The following LOXL2 variants were observed in gnomAD, a reference collection of about 807,000 sequenced individuals.
LOXL2 encodes lysyl oxidase like 2.
Under a neutral mutation model 93.0 loss-of-function variants are expected in LOXL2, and 70 were observed. The observed-to-expected ratio is 0.75, with a 90% CI of 0.62 to 0.92. The LOEUF (loss-of-function observed/expected upper bound fraction) is 0.92. LOXL2 is among the 40% of genes least tolerant of loss of function. The probability of loss-of-function intolerance (pLI) is 0.00; values close to 1 mark genes in which losing one functional copy is unlikely to be tolerated. For missense variants in LOXL2, 973 were observed against 1,054.9 expected, an observed-to-expected ratio of 0.92 and a Z score of 1.08; for synonymous variants, 438 against 413.2, an observed-to-expected ratio of 1.06 and a Z score of -0.73.
chr8:23,307,684 G>A lies in LOXL2; in HGVS notation c.1880+1984C>T, dbSNP rs115296846. ...CCCATAGGCAGCGTCAGCCCCCGCC[G>A]CCCAGGGCTTCCACCCACACGTTCC... On this transcript the variant is annotated intron_variant, in intron 10 of 13. Coordinates refer to ENST00000389131, the MANE Select transcript of LOXL2 (RefSeq NM_002318.3). Among the ~76,000 whole-genome samples, 623 of 152,178 alleles carry A rather than the reference G, an allele frequency of 4.1e-3. 7 individuals carry two copies. Among genetic ancestry groups the A allele is most frequent in the African/African-American group, 0.014 (581 of 41,510 alleles).
rs374842932 is a variant in LOXL2, at chr8:23,303,271, C to T, written c.1996+11G>A. ...TCTGAGGCCTCCCATCCCCCCACTC[C>T]GCTCAGATACCTCCTTCACATTCTG... is the stretch of plus-strand genomic sequence containing the variant. On this transcript the variant is annotated intron_variant, in intron 11 of 13. Coordinates refer to ENST00000389131, the MANE Select transcript of LOXL2 (RefSeq NM_002318.3). The T allele has an allele frequency of 5.0e-5, 78 of 1,572,768 alleles. No homozygotes were observed. The African/African-American group carries it at 7.3e-4, about 15-fold the overall frequency.
chr8:23,309,025 C>T (rs981060195), intron 10 of LOXL2, among the ~76,000 whole-genome samples: 1 of 150,350 alleles, frequency 6.7e-6, no homozygotes, highest in Non-Finnish European at 1.5e-5. Flanking sequence ...GGCTCTGTCG[C>T]CTATGCTGGA....
intron 1 of LOXL2, among the ~76,000 whole-genome samples, chr8:23,377,071 G>T (rs1804606611): frequency 6.6e-6 from 1 of 152,062 alleles, no homozygotes; most frequent in South Asian, 2.1e-4. Flanking sequence ...TCTCTTGTGG[G>T]CATTTAGTGC....
chr8:23,324,562 C>T (rs931850082), intron 6 of LOXL2, among the ~76,000 whole-genome samples: 4 of 152,262 alleles, frequency 2.6e-5, no homozygotes, highest in Non-Finnish European at 5.9e-5. Context: ...CATTCTGCAT[C>T]CTTGACCTGC....
In LOXL2 at chr8:23,368,469, G is replaced by A. The variant is rs78805378; in HGVS notation, c.-83-35C>T. ...AGGAGAGATGCGTTAGGATGGGAAC[G>A]TGGGGCTACGGAGACCTACATAGAG... On this transcript the variant is annotated intron_variant, in intron 1 of 13. Transcript: ENST00000389131. The A allele has an allele frequency of 3.6e-4, 290 of 809,876 alleles. No individual in the cohort carries two copies. The African/African-American group carries it at 4.1e-3, about 11-fold the overall frequency. The allele number at this position is 809,876 out of a possible 1,614,324, so 50.2% of individuals were successfully genotyped here.
At chr8:23,371,751 CAAAAAAAAAAAAAAAAAAA>C (rs55780832) in intron 1 of LOXL2, among the ~76,000 whole-genome samples, 5 of 43,888 alleles carry the variant, frequency 1.1e-4, no homozygotes, top group South Asian at 1.1e-3. Context: ...GAGTCTGTCT[CAAAAAAAAAAAAAAAAAAA>C]AAAAAAAAAA....
Position 23,303,372 on chromosome 8 carries a change from T to C in LOXL2, c.1906A>G (p.Thr636Ala). The change falls in exon 11 of 14, where the codon ACC becomes GCC. Residue 636 changes from threonine to alanine, a missense_variant. By Grantham distance (58) the Thr-to-Ala change is moderately conservative. Transcript: ENST00000389131. Reference protein sequence around the residue: ...HRHYHSMEVFTHYDLLNLNGT... With the variant: ...HRHYHSMEVFAHYDLLNLNGT... ...TTGAGGTTCAGCAGGTCATAGTGGG[T>C]GAACACCTCCATGCTGTGGTAGTGC... 1 of 1,612,308 alleles carries C rather than the reference T, an allele frequency of 6.2e-7. No individual in the cohort carries two copies. Among genetic ancestry groups the C allele is most frequent in the Non-Finnish European group, 8.5e-7 (1 of 1,178,652 alleles).
intron 9 of LOXL2, among the ~76,000 whole-genome samples, chr8:23,313,285 G>T (rs1803345248): frequency 6.6e-6 from 1 of 151,958 alleles, no homozygotes. Context: ...TCACAGAATT[G>T]GAAAAAACTA....
intron 1 of LOXL2, among the ~76,000 whole-genome samples, chr8:23,399,023 A>G (rs531474069): frequency 3.3e-5 from 5 of 152,312 alleles, no homozygotes; most frequent in African/African-American, 1.2e-4. Flanking sequence ...TCTTGCTTCA[A>G]CTTACACAGG....
chr8:23,398,391 A>G (rs1369114353), intron 1 of LOXL2, among the ~76,000 whole-genome samples: 2 of 152,162 alleles, frequency 1.3e-5, no homozygotes, highest in Admixed American at 6.5e-5. Context: ...GAATGAAAAA[A>G]CTAAAAAGAA....
chr8:23,344,632 T>TTG (rs1355748139), intron 3 of LOXL2, among the ~76,000 whole-genome samples: 2 of 151,484 alleles, frequency 1.3e-5, no homozygotes, highest in African/African-American at 2.4e-5. Context: ...CATGACAGGG[T>TTG]TGTGTGTGTG....
rs543323383 is a variant in LOXL2 at position 23,303,723 on chromosome 8, C to T, written c.1881-326G>A. ...AGCACTGCATATGATAAGCACAGAA[C>T]TCCAGCTATTGTTTTTAATAAGCGT... On this transcript the variant is annotated intron_variant, in intron 10 of 13. Coordinates refer to ENST00000389131, the MANE Select transcript of LOXL2 (RefSeq NM_002318.3). 2.8e-4 allele frequency among the ~76,000 whole-genome samples: 42 copies of T among 152,250 alleles called. 1 individual carries two copies. Among genetic ancestry groups the T allele is most frequent in the Non-Finnish European group, 6.0e-4 (41 of 68,022 alleles).
chr8:23,403,855 G>T (rs981852410), intron 1 of LOXL2, 99 bp downstream of exon 1: 5 of 152,932 alleles, frequency 3.3e-5, no homozygotes, highest in Admixed American at 2.0e-4. Context: ...ACTGTCGAGA[G>T]GCAGCCCCGC....
intron 3 of LOXL2, among the ~76,000 whole-genome samples, chr8:23,343,562 T>C (rs1320883602): frequency 6.6e-6 from 1 of 152,168 alleles, no homozygotes; most frequent in African/African-American, 2.4e-5. Flanking sequence ...GAACCATTCT[T>C]TGGGTGCCCA....
At chr8:23,348,966 C>T (rs1421802711) in intron 3 of LOXL2, among the ~76,000 whole-genome samples, 3 of 152,030 alleles carry the variant, frequency 2.0e-5, no homozygotes, top group African/African-American at 7.3e-5. Flanking sequence ...ACACCTTCCT[C>T]AGCACCTGAG....
At chr8:23,379,281 G>C (rs1203112982) in intron 1 of LOXL2, among the ~76,000 whole-genome samples, 14 of 152,216 alleles carry the variant, frequency 9.2e-5, no homozygotes, top group Admixed American at 9.2e-4. Context: ...GTTCCTGCCT[G>C]ATTGTTCCTC....
intron 10 of LOXL2, 27 bp from the exon 11 acceptor site, chr8:23,303,424 G>A: frequency 7.2e-7 from 1 of 1,393,044 alleles, no homozygotes; most frequent in Non-Finnish European, 1.0e-6. Flanking sequence ...ATGGCCTGGA[G>A]GTCAGTTTCT....
At chr8:23,363,190 C>G (rs1232511139) in intron 2 of LOXL2, 1 of 152,208 alleles carries the variant, frequency 6.6e-6, no homozygotes, top group African/African-American at 2.4e-5. Context: ...TAAAAACATT[C>G]CCATTGGAGA....
chr8:23,302,849 C>CG (rs112007458), intron 11 of LOXL2, among the ~76,000 whole-genome samples: 1,738 of 151,858 alleles, frequency 0.011, 28 homozygotes, highest in African/African-American at 0.038. Flanking sequence ...CCTGCCGGGA[C>CG]GGGGGGGCGC....
Sources: gnomAD v4.1 joint callset for allele counts (sites outside exome capture counted in the v4.1 genomes callset) on GRCh38, gnomAD v4.1.1 for gene constraint, MANE v1.5 for transcripts, NCBI Gene and HGNC (gene_info 2026-07-23, HGNC 2026-07-21) for gene names.